Variants in CHD5 observed in about 807,000 individuals in gnomAD.
CHD5 encodes ATP-dependent chromatin remodeler CHD5.
In CHD5, 69 loss-of-function variants were observed where a neutral mutation model predicts 230.3. The ratio of observed to expected loss-of-function variants is 0.30; its 90% confidence interval spans 0.25 to 0.37. CHD5 has a LOEUF of 0.37. CHD5 is among the 10% of genes least tolerant of loss of function. CHD5 has a pLI of 1.00. For synonymous variants in CHD5, 1,064 were observed against 1,065.9 expected, an observed-to-expected ratio of 1.00 and a Z score of 0.03; for missense variants, 1,827 against 2,622.8, an observed-to-expected ratio of 0.70 and a Z score of 6.63.
rs777855759 is a variant in CHD5, at chr1:6,148,979, G to A, written c.1258C>T (p.Arg420Cys). Residue 420 changes from arginine to cysteine, a missense_variant, in exon 9 of 42, where the codon CGC (arginine) becomes TGC (cysteine). By Grantham distance (180) the Arg-to-Cys change is radical (BLOSUM62 -3). This residue lies in a region of CHD5 where 657 missense variants were observed against 816.4 expected (regional missense o/e 0.80). Coordinates refer to ENST00000262450, the MANE Select transcript of CHD5 (RefSeq NM_015557.3). ...AGCTCGCCCCCGTCCTTGCACACGC[G>A]GCAGAACTCCATGTGGTCGTCCTCC... ...EEEDDHMEFC[R>C]VCKDGGELLC... The A allele has an allele frequency of 1.2e-6, 2 of 1,607,492 alleles. No homozygotes were observed. The highest frequency in any genetic ancestry group is 2.2e-5 in the East Asian group (1 of 44,524).
chr1:6,137,015 G>T, intron 15 of CHD5, 150 bp from the exon 16 acceptor site: 2 of 713,104 alleles, frequency 2.8e-6, no homozygotes, highest in South Asian at 2.1e-5. Flanking sequence ...CAGAGGGGCA[G>T]ATGCTGACCA....
Position 6,178,971 on chromosome 1 carries a change from G to C in CHD5, c.79+974C>G, listed in dbSNP as rs1019593649. Among the ~76,000 whole-genome samples, 6 of 152,270 alleles carry C rather than the reference G, an allele frequency of 3.9e-5. No homozygotes were observed. The East Asian group carries it at 1.2e-3, about 30-fold the overall frequency. ...CAGAGAGGCCACAGACTTGGCGCAGGGAAGCCGAGAAGTAAGAGTCTCCCA... is the reference window on the plus strand; with the variant it reads ...CAGAGAGGCCACAGACTTGGCGCAGCGAAGCCGAGAAGTAAGAGTCTCCCA... On this transcript the variant is annotated intron_variant, in intron 1 of 41. Coordinates refer to ENST00000262450, the MANE Select transcript of CHD5 (RefSeq NM_015557.3).
chr1:6,142,652 CAG>C lies in CHD5; in HGVS notation c.2044-49_2044-48del. The C allele has an allele frequency of 6.4e-7, 1 of 1,570,216 alleles. No individual in the cohort carries two copies. Among genetic ancestry groups the C allele is most frequent in the Admixed American group, 1.7e-5 (1 of 58,150 alleles). The stretch of plus-strand genomic sequence containing the variant: ...AGACACGCCCCAGATCCTGGGCCAC[CAG>C]AGTCCACACTACAGGCCTTTGCACA... On this transcript the variant is annotated intron_variant, in intron 13 of 41. Coordinates refer to ENST00000262450, the MANE Select transcript of CHD5 (RefSeq NM_015557.3). This position sits in a 1 kb window ranked among gnomAD's most constrained non-coding sequence, Gnocchi z 5.2.
chr1:6,168,401 C>T (rs1293704733), intron 1 of CHD5, 124 bp from the exon 2 acceptor site: 3 of 1,129,180 alleles, frequency 2.7e-6, no homozygotes, highest in Non-Finnish European at 1.2e-6. Context: ...GTCACAGCTG[C>T]CCTGCCCTCC....
chr1:6,132,102 A>C (rs1666667188), intron 20 of CHD5, among the ~76,000 whole-genome samples: 1 of 151,426 alleles, frequency 6.6e-6, no homozygotes, highest in South Asian at 2.1e-4. Flanking sequence ...AAACTACCTG[A>C]CTCTCTTCCT....
chr1:6,135,130 T>A, intron 18 of CHD5, 100 bp downstream of exon 18: 1 of 1,374,006 alleles, frequency 7.3e-7, no homozygotes, highest in Non-Finnish European at 1.0e-6. Context: ...GAGACCTCAG[T>A]GAGGCTGAAG....
In CHD5 at chr1:6,159,530, G is replaced by T; in HGVS notation, c.208-15C>A. ...TCATTGCTCCCCTGGAAAAGAAGGG[G>T]GACAGTGAGGGCAACAGAGGCCCCA... On this transcript the variant is annotated splice_polypyrimidine_tract_variant and intron_variant, in intron 2 of 41. Transcript: ENST00000262450. The T allele has an allele frequency of 1.3e-6, 2 of 1,588,604 alleles. No homozygotes were observed. Among genetic ancestry groups the T allele is most frequent in the Non-Finnish European group, 1.7e-6 (2 of 1,164,836 alleles).
chr1:6,107,725 AGGGAT>A (rs1173433867), intron 38 of CHD5, among the ~76,000 whole-genome samples: 1,589 of 83,138 alleles, frequency 0.019, 1 homozygote, highest in East Asian at 0.073. Flanking sequence ...GGGATGATGG[AGGGAT>A]GAGGGATGAT....
chr1:6,139,963 C>A (rs1666802312), intron 15 of CHD5, among the ~76,000 whole-genome samples: 1 of 152,160 alleles, frequency 6.6e-6, no homozygotes, highest in Admixed American at 6.5e-5. Context: ...AGAGCCACAG[C>A]TGCTAGGAGG....
At chr1:6,175,989 T>C (rs1332261924) in intron 1 of CHD5, among the ~76,000 whole-genome samples, 1 of 151,494 alleles carries the variant, frequency 6.6e-6, no homozygotes, top group Non-Finnish European at 1.5e-5. Context: ...TGGGTAGATG[T>C]GGGTGGGTAG....
Position 6,121,389 on chromosome 1 carries a change from C to G in CHD5, c.4779+105G>C. 4.0e-6 allele frequency: 6 copies of G among 1,483,622 alleles called. No homozygotes were observed. Among genetic ancestry groups the G allele is most frequent in the Non-Finnish European group, 5.6e-6 (6 of 1,076,796 alleles). 91.9% of individuals were successfully genotyped at this position (1,483,622 alleles called of 1,614,324 possible). On this transcript the variant is annotated intron_variant, in intron 32 of 41. Transcript: ENST00000262450. The surrounding 1 kb of genome is among the most constrained non-coding windows in gnomAD (Gnocchi z 4.5). ...CCGATTCAGAGCCCCGAAAAGGGAGCCAGGAGGCCTGGGTTCCACCTCGCT... is the reference window on the plus strand; with the variant it reads ...CCGATTCAGAGCCCCGAAAAGGGAGGCAGGAGGCCTGGGTTCCACCTCGCT...
chr1:6,102,830 G>C lies in CHD5; in HGVS notation c.*2644C>G, dbSNP rs1666093382. The C allele has an allele frequency of 6.6e-6, 1 of 152,262 alleles. No individual in the cohort carries two copies. The highest frequency in any genetic ancestry group is 2.4e-5 in the African/African-American group (1 of 41,442). The allele number at this position is 152,262 out of a possible 1,614,324, so 9.4% of individuals were successfully genotyped here. ...GGCTTTCACGGGGGACGCTGCTTCT[G>C]CCTCAGGCGTGTATGAGAGGGCCCT... On this transcript the variant is annotated 3_prime_UTR_variant, in exon 42 of 42. Transcript: ENST00000262450.
Position 6,148,879 on chromosome 1 carries a change from C to A in CHD5, c.1358G>T (p.Gly453Val). Residue 453 changes from glycine (G) to valine (V), a missense_variant, in exon 9 of 42, where the codon GGT becomes GTT. By Grantham distance (109) the Gly-to-Val change is moderately radical. This residue lies in a region of CHD5 where 657 missense variants were observed against 816.4 expected (regional missense o/e 0.80). Coordinates refer to ENST00000262450, the MANE Select transcript of CHD5 (RefSeq NM_015557.3). Reference sequence around the variant, plus strand: ...AGTACAGCGCGGGCAGAGCCATTCACCGTTTGGGATCTCGGGCAGCGGCGG... The same window carrying A: ...AGTACAGCGCGGGCAGAGCCATTCAACGTTTGGGATCTCGGGCAGCGGCGG... ...LNPPLPEIPN[G>V]EWLCPRCTCP... The A allele has an allele frequency of 6.3e-7, 1 of 1,581,292 alleles. No individual in the cohort carries two copies. The highest frequency in any genetic ancestry group is 8.6e-7 in the Non-Finnish European group (1 of 1,162,882).
intron 9 of CHD5, among the ~76,000 whole-genome samples, chr1:6,147,394 G>A (rs1289614335): frequency 3.9e-5 from 6 of 152,210 alleles, no homozygotes; most frequent in South Asian, 2.1e-4. Flanking sequence ...CCCAGGCACC[G>A]TGCGTCTAGG....
intron 33 of CHD5, among the ~76,000 whole-genome samples, chr1:6,117,441 G>A (rs1190706109): frequency 6.6e-6 from 1 of 152,180 alleles, no homozygotes; most frequent in Non-Finnish European, 1.5e-5. Context: ...GCCAGGCACA[G>A]TGGTACACGC....
intron 25 of CHD5, among the ~76,000 whole-genome samples, chr1:6,127,544 G>A (rs1401075959): frequency 6.6e-6 from 1 of 152,188 alleles, no homozygotes; most frequent in Admixed American, 6.5e-5. Context: ...TCCAGGTGCA[G>A]GGCCGAGATG....
At position 6,159,330 on chromosome 1, in the gene CHD5, A is replaced by T. The variant is rs767446290; in HGVS notation, c.387+6T>A. On this transcript the variant is annotated splice_donor_region_variant and intron_variant, in intron 3 of 41. Coordinates refer to ENST00000262450, the MANE Select transcript of CHD5 (RefSeq NM_015557.3). ...TCTGTCCCCCCAGCCAGGCCTCCAC[A>T]GTTACCTTTAAGCATCCATCATCAT... The T allele has an allele frequency of 1.1e-5, 17 of 1,551,318 alleles. No homozygotes were observed. The highest frequency in any genetic ancestry group is 1.5e-5 in the Non-Finnish European group (17 of 1,146,824).
At chr1:6,161,018 C>T (rs989866027) in intron 2 of CHD5, among the ~76,000 whole-genome samples, 15 of 152,170 alleles carry the variant, frequency 9.9e-5, no homozygotes, top group Middle Eastern at 6.8e-3. Flanking sequence ...TAACTGTTTT[C>T]GGGGTGAGCA....
rs1401476522 is a variant in CHD5 at position 6,101,878 on chromosome 1, T to C, written c.*3596A>G. The C allele has an allele frequency of 1.0e-5, 3 of 300,426 alleles. No homozygotes were observed. The highest frequency in any genetic ancestry group is 1.3e-5 in the Non-Finnish European group (2 of 150,792). 18.6% of individuals were successfully genotyped at this position (300,426 alleles called of 1,614,324 possible). On this transcript the variant is annotated 3_prime_UTR_variant, in exon 42 of 42. Transcript: ENST00000262450. ...AAAGGTGATTGTGTTGGCTACAGCCTCTGTCCAGCCTCCCGTGGGCGAAGA... is the reference window on the plus strand; with the variant it reads ...AAAGGTGATTGTGTTGGCTACAGCCCCTGTCCAGCCTCCCGTGGGCGAAGA...
Sources: gnomAD v4.1 joint callset for allele counts (sites outside exome capture counted in the v4.1 genomes callset) on GRCh38, gnomAD v4.1.1 for gene constraint, gnomAD v4.1.1 regional missense constraint, Gnocchi (gnomAD v3.1) non-coding constraint, MANE v1.5 for transcripts, NCBI Gene and HGNC (gene_info 2026-07-23, HGNC 2026-07-21) for gene names.